MYO18A: variants seen among roughly 807,000 people sequenced by gnomAD.
The protein encoded by MYO18A is myosin XVIIIA.
In MYO18A, 78 loss-of-function variants were observed where a neutral mutation model predicts 235.8. That is an observed-to-expected ratio of 0.33 (90% confidence interval 0.28 to 0.40). The LOEUF (loss-of-function observed/expected upper bound fraction) is 0.40. Among genes scored for constraint, MYO18A ranks in the 10% least tolerant of loss-of-function variants. MYO18A has a pLI of 1.00. For missense variants in MYO18A, 2,215 were observed against 2,699.3 expected (o/e 0.82, Z 3.98); for synonymous variants, 977 against 1,077.8 (o/e 0.91, Z 1.83).
chr17:29,180,258 G>A lies in MYO18A; in HGVS notation c.-82+55C>T, dbSNP rs931516327. On this transcript the variant is annotated intron_variant, in intron 1 of 41. Coordinates refer to ENST00000527372, the MANE Select transcript of MYO18A (RefSeq NM_078471.4). This position sits in a 1 kb window ranked among gnomAD's most constrained non-coding sequence, Gnocchi z 6.1. ...CCTCCCGGCCGGAGCCCGCCCCGCCGCCCCACCAAGCCGGGCCCGCCACCG... is the reference window on the plus strand; with the variant it reads ...CCTCCCGGCCGGAGCCCGCCCCGCCACCCCACCAAGCCGGGCCCGCCACCG... 1 of 86,256 alleles carries A rather than the reference G, an allele frequency of 1.2e-5. No homozygotes were observed. The highest frequency in any genetic ancestry group is 2.4e-5 in the Non-Finnish European group (1 of 42,154). 5.3% of individuals were successfully genotyped at this position (86,256 alleles called of 1,614,324 possible). A position where few individuals can be genotyped will look rare whatever the true frequency, so the allele number is the denominator to read the frequency against.
chr17:29,124,531 GA>G (rs1220709615), intron 2 of MYO18A: 18 of 679,304 alleles, frequency 2.6e-5, no homozygotes, highest in Non-Finnish European at 3.4e-5. Context: ...GCCTGGAGGG[GA>G]AAGAGGCCTT....
intron 2 of MYO18A, among the ~76,000 whole-genome samples, chr17:29,160,019 G>A (rs1319692432): frequency 3.3e-5 from 5 of 152,216 alleles, no homozygotes; most frequent in Non-Finnish European, 5.9e-5. Context: ...AACCTCAGGA[G>A]CAAGGATGGG....
intron 21 of MYO18A, 126 bp downstream of exon 21, chr17:29,103,473 C>T (rs887893270): frequency 2.1e-6 from 2 of 943,242 alleles, no homozygotes; most frequent in Admixed American, 4.1e-5. Flanking sequence ...GAGCTGGGGG[C>T]AAGACTCAGA....
In MYO18A at chr17:29,158,167, C is replaced by G. The variant is rs1291310504; in HGVS notation, c.999+7775G>C. Among the ~76,000 whole-genome samples the G allele has an allele frequency of 6.6e-6, 1 of 152,168 alleles. No individual in the cohort carries two copies. The highest frequency in any genetic ancestry group is 6.5e-5 in the Admixed American group (1 of 15,272). On this transcript the variant is annotated intron_variant, in intron 2 of 41. Coordinates refer to ENST00000527372, the MANE Select transcript of MYO18A (RefSeq NM_078471.4). This position sits in a 1 kb window ranked among gnomAD's most constrained non-coding sequence, Gnocchi z 4.3. ...CTACACTATGCACCATACTGAGCGC[C>G]ACAGATAACACCCGGCGAACACCCG...
Position 29,109,971 on chromosome 17 carries a change from T to C in MYO18A, c.3218A>G (p.Asp1073Gly), listed in dbSNP as rs778320701. Residue 1073 changes from aspartate to glycine, a missense_variant, in exon 19 of 42, where the codon GAC becomes GGC. Coordinates refer to ENST00000527372, the MANE Select transcript of MYO18A (RefSeq NM_078471.4). This position sits in a 1 kb window ranked among gnomAD's most constrained non-coding sequence, Gnocchi z 4.1. ...SRRVSSSSEL[D>G]LPSGDHCEAG... is the part of the protein sequence containing the mutation. Reference sequence around the variant, plus strand: ...CTCGCAGTGGTCTCCCGAGGGCAGGTCCAGCTCACTGCTGCTGCTGACTCG... The same window carrying C: ...CTCGCAGTGGTCTCCCGAGGGCAGGCCCAGCTCACTGCTGCTGCTGACTCG... 1 of 1,611,320 alleles carries C rather than the reference T, an allele frequency of 6.2e-7. No individual in the cohort carries two copies. The highest frequency in any genetic ancestry group is 8.5e-7 in the Non-Finnish European group (1 of 1,179,014).
intron 26 of MYO18A, 55 bp downstream of exon 26, chr17:29,097,733 G>A (rs2066554346): frequency 6.8e-7 from 1 of 1,471,872 alleles, no homozygotes. Context: ...CCCAGGGGTG[G>A]GCATCAGGGC....
At chr17:29,081,623 G>T (rs530848125) in intron 41 of MYO18A, among the ~76,000 whole-genome samples, 5 of 133,360 alleles carry the variant, frequency 3.7e-5, no homozygotes, top group African/African-American at 5.6e-5. Flanking sequence ...GGGCAGCAGG[G>T]ATATGGCTTT....
At chr17:29,134,673 C>CTA (rs1382313330) in intron 2 of MYO18A, among the ~76,000 whole-genome samples, 2 of 152,110 alleles carry the variant, frequency 1.3e-5, no homozygotes, top group African/African-American at 4.8e-5. Context: ...CAGGCGCCCG[C>CTA]TACCACGCCC....
chr17:29,174,895 C>T (rs938652160), intron 1 of MYO18A, among the ~76,000 whole-genome samples: 1 of 152,004 alleles, frequency 6.6e-6, no homozygotes, highest in Non-Finnish European at 1.5e-5. Context: ...ATACACTGAC[C>T]TGGAAAGATT....
In MYO18A at chr17:29,120,948, C is replaced by T. The variant is rs779265560; in HGVS notation, c.1585+50G>A. On this transcript the variant is annotated intron_variant, in intron 6 of 41. Transcript: ENST00000527372. This position sits in a 1 kb window ranked among gnomAD's most constrained non-coding sequence, Gnocchi z 4.2. ...CACTTAAGAGGGTGCTCTCTCCTCA[C>T]TCCCCTCCCCTCACCCCACTTTCAG... 10 of 1,575,956 alleles carry T rather than the reference C, an allele frequency of 6.3e-6. No homozygotes were observed. Among genetic ancestry groups the T allele is most frequent in the Non-Finnish European group, 7.8e-6 (9 of 1,159,106 alleles).
chr17:29,152,786 A>T (rs1348693980), intron 2 of MYO18A, among the ~76,000 whole-genome samples: 1 of 151,920 alleles, frequency 6.6e-6, no homozygotes, highest in Non-Finnish European at 1.5e-5. Flanking sequence ...CAGTGGTGTG[A>T]TCATGGCTCA....
At position 29,097,833 on chromosome 17, in the gene MYO18A, T is replaced by G; in HGVS notation, c.4057A>C (p.Ile1353Leu). The change falls in exon 26 of 42, where the codon ATC (isoleucine) becomes CTC (leucine). Residue 1353 changes from isoleucine (I) to leucine (L), a missense_variant. By Grantham distance (5) the Ile-to-Leu change is conservative. Transcript: ENST00000527372. Reference sequence around the variant, plus strand: ...TCCCCGTTGATCTCCGCTGCCCGGATGAGACGGGCCTCCATCACCTCCATT... The same window carrying G: ...TCCCCGTTGATCTCCGCTGCCCGGAGGAGACGGGCCTCCATCACCTCCATT... ...MEMEVMEARL[I>L]RAAEINGEVD... The G allele has an allele frequency of 6.2e-7, 1 of 1,613,910 alleles. No individual in the cohort carries two copies. The highest frequency in any genetic ancestry group is 8.5e-7 in the Non-Finnish European group (1 of 1,179,822).
intron 2 of MYO18A, among the ~76,000 whole-genome samples, chr17:29,151,470 A>G (rs1189469358): frequency 6.6e-6 from 1 of 151,200 alleles, no homozygotes; most frequent in African/African-American, 2.4e-5. Flanking sequence ...TCCCTTCCTC[A>G]CCCCAGAGTC....
rs1432210195 is a variant in MYO18A at position 29,117,419 on chromosome 17, G to T, written c.2038+626C>A. Among the ~76,000 whole-genome samples the T allele has an allele frequency of 2.0e-5, 3 of 152,132 alleles. No individual in the cohort carries two copies. Among genetic ancestry groups the T allele is most frequent in the Non-Finnish European group, 4.4e-5 (3 of 68,020 alleles). ...GGAAAACTGGTCTGGGGAGGCCCCA[G>T]GTAGCAAGCCCACCCTACCCCACCC... On this transcript the variant is annotated intron_variant, in intron 10 of 41. Coordinates refer to ENST00000527372, the MANE Select transcript of MYO18A (RefSeq NM_078471.4). This position sits in a 1 kb window ranked among gnomAD's most constrained non-coding sequence, Gnocchi z 4.6.
chr17:29,087,115 C>T lies in MYO18A; in HGVS notation c.5533G>A (p.Ala1845Thr), dbSNP rs748810549. ...TCCATGTTTTCCTTGAGACGGCTAG[C>T]CAGGCTCTGGATAGGTAGGTGGGGA... ...RTQVKRLESL[A>T]SRLKENMEKL... The change falls in exon 38 of 42, where the codon GCT becomes ACT. Residue 1845 changes from alanine to threonine, a missense_variant. By Grantham distance (58) the Ala-to-Thr change is moderately conservative. Transcript: ENST00000527372. 2.5e-6 allele frequency: 4 copies of T among 1,612,954 alleles called. No individual in the cohort carries two copies. The South Asian group carries it at 3.3e-5, about 13-fold the overall frequency.
intron 30 of MYO18A, 92 bp from the exon 31 acceptor site, chr17:29,094,182 G>A (rs1316528430): frequency 1.2e-5 from 11 of 889,862 alleles, no homozygotes; most frequent in East Asian, 1.1e-4. Flanking sequence ...CTCAGGGGCC[G>A]AGAACGTCCA....
intron 1 of MYO18A, among the ~76,000 whole-genome samples, chr17:29,170,104 A>G (rs145622732): frequency 3.3e-4 from 51 of 152,322 alleles, no homozygotes; most frequent in African/African-American, 1.2e-3. Context: ...AGGTTGAACT[A>G]CATGATCTAG....
chr17:29,157,367 A>G (rs906750817), intron 2 of MYO18A, among the ~76,000 whole-genome samples: 1 of 151,802 alleles, frequency 6.6e-6, no homozygotes. Flanking sequence ...GTGGCCCATC[A>G]CTCCTGGTTT....
chr17:29,073,505 G>A lies in MYO18A; in HGVS notation c.*1265C>T. The A allele has an allele frequency of 1.0e-5, 2 of 194,334 alleles. No individual in the cohort carries two copies. The highest frequency in any genetic ancestry group is 2.1e-5 in the Non-Finnish European group (2 of 94,904). 12.0% of individuals were successfully genotyped at this position (194,334 alleles called of 1,614,324 possible). On this transcript the variant is annotated 3_prime_UTR_variant, in exon 42 of 42. Transcript: ENST00000527372. ...TTGCCTGAGCCTGAAGGAACAGGCA[G>A]GAAAACTGGCGCAGCCAGGAGGAAA... is the stretch of plus-strand genomic sequence containing the variant.
Sources: gnomAD v4.1 joint callset for allele counts (sites outside exome capture counted in the v4.1 genomes callset) on GRCh38, gnomAD v4.1.1 for gene constraint, Gnocchi (gnomAD v3.1) non-coding constraint, MANE v1.5 for transcripts, NCBI Gene and HGNC (gene_info 2026-07-23, HGNC 2026-07-21) for gene names.